Variants in EIPR1 observed in about 807,000 individuals in gnomAD.
The protein encoded by EIPR1 is EARP complex and GARP complex interacting protein 1, also known as EARP and GARP complex-interacting protein 1.
A neutral mutation model predicts 48.1 loss-of-function variants in EIPR1; 25 were observed. That is an observed-to-expected ratio of 0.52 (90% CI 0.38 to 0.73). EIPR1 has a LOEUF of 0.73. EIPR1 is among the 30% of genes least tolerant of loss of function. The pLI, the probability that EIPR1 is intolerant of heterozygous loss-of-function variation, is 0.00. For missense variants in EIPR1, 415 were observed against 506.2 expected, an observed-to-expected ratio of 0.82 and a Z score of 1.73; for synonymous variants, 204 against 201.9, an observed-to-expected ratio of 1.01 and a Z score of -0.09.
chr2:3,334,107 C>T (rs149270128), intron 3 of EIPR1, among the ~76,000 whole-genome samples: 1 of 152,352 alleles, frequency 6.6e-6, no homozygotes, highest in African/African-American at 2.4e-5. Context: ...CAGCAGACAA[C>T]AGGAGCTTCT....
rs1173664611 is a variant in EIPR1 at position 3,257,323 on chromosome 2, T to C, written c.392A>G (p.Asn131Ser). The C allele has an allele frequency of 6.2e-7, 1 of 1,614,066 alleles. No homozygotes were observed. Among genetic ancestry groups the C allele is most frequent in the Non-Finnish European group, 8.5e-7 (1 of 1,179,968 alleles). The stretch of plus-strand genomic sequence containing the variant: ...CCAGGCCATGTTGCCATGGGCTGTG[T>C]TGTCAAGGTGACAGAGCAGCTCCAG... ...QTLELLCHLD[N>S]TAHGNMACVV... The change falls in exon 4 of 9, where the codon AAC becomes AGC. Residue 131 changes from asparagine to serine, a missense_variant. Coordinates refer to ENST00000382125, the MANE Select transcript of EIPR1 (RefSeq NM_003310.5).
intron 4 of EIPR1, among the ~76,000 whole-genome samples, chr2:3,240,286 C>T (rs1239843515): frequency 8.5e-3 from 309 of 36,462 alleles, no homozygotes; most frequent in Middle Eastern, 0.013. Flanking sequence ...GCCAGCAGAT[C>T]CTTCCTCAAG....
At chr2:3,303,439 C>T (rs1383244520) in intron 3 of EIPR1, among the ~76,000 whole-genome samples, 1 of 152,236 alleles carries the variant, frequency 6.6e-6, no homozygotes, top group Non-Finnish European at 1.5e-5. Flanking sequence ...CCGACCACCA[C>T]CTGGAAGTCA....
chr2:3,225,213 C>A (rs1020162701), intron 4 of EIPR1, among the ~76,000 whole-genome samples: 23 of 129,560 alleles, frequency 1.8e-4, no homozygotes, highest in East Asian at 1.6e-3. Flanking sequence ...TTAGGTAGTA[C>A]ACTGTGATAT....
intron 4 of EIPR1, among the ~76,000 whole-genome samples, chr2:3,246,984 GGGAGGGAGAGAGCGAGGGA>G (rs1314225259): frequency 0.03 from 6 of 200 alleles, no homozygotes; most frequent in Admixed American, 0.1. Flanking sequence ...GAGGGAGGGA[GGGAGGGAGAGAGCGAGGGA>G]GGAGAGAGCG....
At chr2:3,254,272 G>A (rs545547929) in intron 4 of EIPR1, among the ~76,000 whole-genome samples, 3 of 152,154 alleles carry the variant, frequency 2.0e-5, no homozygotes, top group Non-Finnish European at 4.4e-5. Context: ...CAGAGAGGAG[G>A]AGCCCTCACG....
chr2:3,322,280 T>C (rs1428110065), intron 3 of EIPR1, among the ~76,000 whole-genome samples: 10 of 152,216 alleles, frequency 6.6e-5, no homozygotes, highest in Admixed American at 6.5e-5. Flanking sequence ...GTGTCGCTCA[T>C]GTCTGCCCCA....
rs1011120326 is a variant in EIPR1, at chr2:3,354,287, A to G, written c.126+263T>C. On this transcript the variant is annotated intron_variant, in intron 2 of 8. Coordinates refer to ENST00000382125, the MANE Select transcript of EIPR1 (RefSeq NM_003310.5). ...ATCCTTGCTTCTCAATTGCTCATAA[A>G]GCCAAATCTATATAACCACAAGAGC... Among the ~76,000 whole-genome samples, 8 of 152,262 alleles carry G rather than the reference A, an allele frequency of 5.3e-5. 1 individual carries two copies. Among genetic ancestry groups the G allele is most frequent in the African/African-American group, 1.9e-4 (8 of 41,472 alleles).
At chr2:3,296,105 T>TCC (rs1558280974) in intron 3 of EIPR1, among the ~76,000 whole-genome samples, 13 of 91,956 alleles carry the variant, frequency 1.4e-4, no homozygotes, top group Non-Finnish European at 1.3e-4. Context: ...CCATCCTCTC[T>TCC]ACACACACAC....
At chr2:3,223,940 C>T (rs547776864) in intron 4 of EIPR1, among the ~76,000 whole-genome samples, 152 of 152,312 alleles carry the variant, frequency 1.0e-3, no homozygotes, top group African/African-American at 3.6e-3. Flanking sequence ...CTCTTCCAAC[C>T]AAGAGAACCA....
intron 4 of EIPR1, among the ~76,000 whole-genome samples, chr2:3,237,534 G>C (rs116312775): frequency 6.6e-6 from 1 of 152,186 alleles, no homozygotes; most frequent in Non-Finnish European, 1.5e-5. Context: ...AGCACTGTAC[G>C]TCTGGGGTTC....
At chr2:3,328,931 CT>C in intron 3 of EIPR1, among the ~76,000 whole-genome samples, 1 of 138,250 alleles carries the variant, frequency 7.2e-6, no homozygotes, top group South Asian at 2.4e-4. Context: ...CAGAGCCCAC[CT>C]ACCACGCTCT....
At chr2:3,305,095 A>AGCCCTCCACTCCCGT (rs1668892647) in intron 3 of EIPR1, among the ~76,000 whole-genome samples, 1 of 22,954 alleles carries the variant, frequency 4.4e-5, no homozygotes, top group Non-Finnish European at 8.3e-5. Context: ...TCCACTCCCA[A>AGCCCTCCACTCCCGT]CCAGTTCAGC....
At chr2:3,248,170 G>A (rs531773064) in intron 4 of EIPR1, among the ~76,000 whole-genome samples, 12 of 152,286 alleles carry the variant, frequency 7.9e-5, no homozygotes, top group South Asian at 4.1e-4. Flanking sequence ...TCTGGGGTCT[G>A]GGTGTGGTGT....
chr2:3,257,188 G>A (rs1667183590), intron 4 of EIPR1, 111 bp downstream of exon 4: 1 of 1,199,556 alleles, frequency 8.3e-7, no homozygotes, highest in Non-Finnish European at 1.1e-6. Flanking sequence ...TTAAAAGAAA[G>A]GAGCGTTTCC....
At chr2:3,208,367 T>C (rs2103125340) in intron 5 of EIPR1, 1 of 1,247,684 alleles carries the variant, frequency 8.0e-7, no homozygotes, top group Non-Finnish European at 1.1e-6. Context: ...GTGGGACTCA[T>C]TTATAGGGCA....
At chr2:3,313,054 C>T (rs976046955) in intron 3 of EIPR1, among the ~76,000 whole-genome samples, 2 of 152,182 alleles carry the variant, frequency 1.3e-5, no homozygotes, top group African/African-American at 4.8e-5. Flanking sequence ...AGGTACAGGA[C>T]GTATATTACC....
chr2:3,247,003 A>AGGGAGAGAGCGAGGGAG (rs374891827), intron 4 of EIPR1, among the ~76,000 whole-genome samples: 1,202 of 5,486 alleles, frequency 0.22, 307 homozygotes, highest in Non-Finnish European at 0.28. Flanking sequence ...AGAGCGAGGG[A>AGGGAGAGAGCGAGGGAG]GGAGAGAGCG....
intron 4 of EIPR1, among the ~76,000 whole-genome samples, chr2:3,254,277 C>T (rs919157644): frequency 6.6e-6 from 1 of 152,172 alleles, no homozygotes; most frequent in Non-Finnish European, 1.5e-5. Context: ...AGGAGGAGCC[C>T]TCACGCTCTG....
Sources: gnomAD v4.1 joint callset for allele counts (sites outside exome capture counted in the v4.1 genomes callset) on GRCh38, gnomAD v4.1.1 for gene constraint, MANE v1.5 for transcripts, NCBI Gene and HGNC (gene_info 2026-07-23, HGNC 2026-07-21) for gene names.